Variants in ALG9 observed in about 807,000 individuals in gnomAD.
ALG9 encodes ALG9 alpha-1,2-mannosyltransferase, also known as alpha-1,2-mannosyltransferase ALG9.
ALG9 carries 55 observed loss-of-function variants against 81.8 expected under a neutral mutation model. The ratio of observed to expected loss-of-function variants is 0.67; its 90% confidence interval spans 0.54 to 0.84. The LOEUF is 0.84. ALG9 is among the 40% of genes least tolerant of loss of function. The pLI is 0.00. For synonymous variants in ALG9, 278 were observed against 274.3 expected, an observed-to-expected ratio of 1.01 and a Z score of -0.13; for missense variants, 629 against 745.0, an observed-to-expected ratio of 0.84 and a Z score of 1.81.
downstream of ALG9, among the ~76,000 whole-genome samples, chr11:111,781,623 T>G (rs1414159215): frequency 6.6e-6 from 1 of 152,018 alleles, no homozygotes; most frequent in Non-Finnish European, 1.5e-5. Flanking sequence ...ATGTATTGAG[T>G]AATTCCTTTT....
the ALG9 span, among the ~76,000 whole-genome samples, chr11:111,774,553 G>C: frequency 6.6e-6 from 1 of 152,202 alleles, no homozygotes; most frequent in African/African-American, 2.4e-5. Flanking sequence ...GGTGCCTGGG[G>C]AACAGAGATG....
At chr11:111,830,982 G>A (rs533742482) in intron 13 of ALG9, among the ~76,000 whole-genome samples, 1 of 152,244 alleles carries the variant, frequency 6.6e-6, no homozygotes, top group Admixed American at 6.5e-5. Flanking sequence ...ACCAGCCTGG[G>A]CAAGACAGTG....
In ALG9 at chr11:111,786,075, T is replaced by C. The variant is rs1555062916; in HGVS notation, c.*322A>G. On this transcript the variant is annotated 3_prime_UTR_variant, in exon 15 of 15. Transcript: ENST00000616540. The stretch of plus-strand genomic sequence containing the variant: ...AGGATTTTCAATTCTTCCTGTAAGT[T>C]GGTTCTGCTCTTCTCCGGTCTAGTA... The C allele has an allele frequency of 2.2e-6, 1 of 464,144 alleles. No homozygotes were observed. The highest frequency in any genetic ancestry group is 6.7e-5 in the East Asian group (1 of 14,882). The allele number at this position is 464,144 out of a possible 1,614,324, so 28.8% of individuals were successfully genotyped here.
At chr11:111,838,439 A>G in intron 10 of ALG9, 40 bp from the exon 11 acceptor site, 1 of 1,540,130 alleles carries the variant, frequency 6.5e-7, no homozygotes, top group Non-Finnish European at 8.9e-7. Context: ...ATACATAATT[A>G]CAAGACATCA....
intron 6 of ALG9, among the ~76,000 whole-genome samples, chr11:111,854,686 A>G (rs570723681): frequency 6.6e-6 from 1 of 152,292 alleles, no homozygotes; most frequent in Non-Finnish European, 1.5e-5. Flanking sequence ...AATTCCGTAT[A>G]ACATTTTGCG....
chr11:111,844,293 C>T (rs116062685), intron 9 of ALG9, among the ~76,000 whole-genome samples: 1,577 of 152,250 alleles, frequency 0.01, 24 homozygotes, highest in African/African-American at 0.035. Flanking sequence ...TGTCAGCCAC[C>T]GCGCCCGGCC....
chr11:111,787,450 T>A lies in ALG9; in HGVS notation c.1734-930A>T, dbSNP rs145521155. ...CCTATCTCAATAAAAATAAATTTTT[T>A]AAAAATTATTTTATTTCTTTTTTTG... On this transcript the variant is annotated intron_variant, in intron 14 of 14. Coordinates refer to ENST00000616540, the MANE Select transcript of ALG9 (RefSeq NM_024740.2). 1.4e-3 allele frequency among the ~76,000 whole-genome samples: 220 copies of A among 152,144 alleles called. 3 individuals are homozygous for A. In the East Asian group the frequency reaches 0.018, roughly 13 times the overall value.
downstream of ALG9, among the ~76,000 whole-genome samples, chr11:111,781,092 T>C (rs1408551551): frequency 6.6e-6 from 1 of 151,976 alleles, no homozygotes; most frequent in African/African-American, 2.4e-5. Context: ...CAAGGGAAAA[T>C]AAATTAAAGT....
intron 14 of ALG9, among the ~76,000 whole-genome samples, chr11:111,799,739 G>C (rs782237018): frequency 2.6e-5 from 4 of 152,104 alleles, no homozygotes; most frequent in Non-Finnish European, 5.9e-5. Flanking sequence ...TCCAGGACAG[G>C]ACCCCTTTTA....
At chr11:111,808,772 A>T (rs1239811090) in intron 14 of ALG9, among the ~76,000 whole-genome samples, 3 of 151,668 alleles carry the variant, frequency 2.0e-5, no homozygotes, top group Non-Finnish European at 2.9e-5. Flanking sequence ...GATCTCCTTA[A>T]CTCCAACTGT....
chr11:111,854,452 G>A (rs181323712), intron 6 of ALG9, among the ~76,000 whole-genome samples: 33 of 151,992 alleles, frequency 2.2e-4, no homozygotes. Flanking sequence ...TGTATTTTTA[G>A]TAGAGACAGG....
rs79393681 is a variant in ALG9, at chr11:111,790,663, G to A, written c.1734-4143C>T. Among the ~76,000 whole-genome samples the A allele has an allele frequency of 7.3e-3, 1,106 of 152,016 alleles. 13 individuals carry two copies. Among genetic ancestry groups the A allele is most frequent in the African/African-American group, 0.025 (1,052 of 41,442 alleles). The stretch of plus-strand genomic sequence containing the variant: ...CTGCGATCAGTAAGACAATTCCACA[G>A]GAAAAAATGACAAAAGATATGATTA... On this transcript the variant is annotated intron_variant, in intron 14 of 14. Coordinates refer to ENST00000616540, the MANE Select transcript of ALG9 (RefSeq NM_024740.2).
intron 8 of ALG9, among the ~76,000 whole-genome samples, chr11:111,851,291 C>T (rs1337501874): frequency 1.3e-5 from 2 of 152,042 alleles, no homozygotes; most frequent in Admixed American, 1.3e-4. Context: ...CTAGCCTGGC[C>T]AACATGTCGA....
At chr11:111,841,878 A>AT (rs1478053531) in intron 9 of ALG9, among the ~76,000 whole-genome samples, 6 of 152,176 alleles carry the variant, frequency 3.9e-5, no homozygotes, top group Non-Finnish European at 8.8e-5. Context: ...TCTAGGTAGT[A>AT]TATTTTAAGG....
At chr11:111,798,215 A>T (rs782172630) in intron 14 of ALG9, 6 of 314,310 alleles carry the variant, frequency 1.9e-5, no homozygotes, top group South Asian at 1.6e-4. Context: ...AAAGAAAAAA[A>T]TAGAGAAAAA....
In ALG9 at chr11:111,837,562, G is replaced by T; in HGVS notation, c.1378C>A (p.Pro460Thr). The change falls in exon 12 of 15, where the codon CCA becomes ACA. Residue 460 changes from proline to threonine, a missense_variant. Coordinates refer to ENST00000616540, the MANE Select transcript of ALG9 (RefSeq NM_024740.2). ...CCTTCTGGGACAGTGTGGATGGTTG[G>T]GTCTGTAGCAATTCGGTAAAATTCT... ...YPEFYRIATD[P>T]TIHTVPEGRP... is the part of the protein sequence containing the mutation. The T allele has an allele frequency of 6.2e-7, 1 of 1,614,132 alleles. No individual in the cohort carries two copies. The highest frequency in any genetic ancestry group is 1.3e-5 in the African/African-American group (1 of 75,018).
the ALG9 span, among the ~76,000 whole-genome samples, chr11:111,769,888 C>A: frequency 6.6e-6 from 1 of 152,012 alleles, no homozygotes; most frequent in South Asian, 2.1e-4. Context: ...CAGAAAATTG[C>A]CTGGTTTGAG....
chr11:111,812,007 T>C (rs1372457444), intron 13 of ALG9, among the ~76,000 whole-genome samples: 2 of 152,204 alleles, frequency 1.3e-5, no homozygotes, highest in African/African-American at 4.8e-5. Flanking sequence ...GTTGTGCATA[T>C]TTTATAATTA....
At chr11:111,810,348 T>A (rs1472669834) in intron 13 of ALG9, among the ~76,000 whole-genome samples, 14 of 152,236 alleles carry the variant, frequency 9.2e-5, no homozygotes, top group Admixed American at 3.3e-4. Context: ...TTGTTAATAC[T>A]ATGTATTACA....
Sources: gnomAD v4.1 joint callset for allele counts (sites outside exome capture counted in the v4.1 genomes callset) on GRCh38, gnomAD v4.1.1 for gene constraint, MANE v1.5 for transcripts, NCBI Gene and HGNC (gene_info 2026-07-23, HGNC 2026-07-21) for gene names.